NBEAL2: variants seen among roughly 807,000 people sequenced by gnomAD.
NBEAL2 encodes the protein neurobeachin like 2.
Under a neutral mutation model 299.8 loss-of-function variants are expected in NBEAL2, and 160 were observed. That is an observed-to-expected ratio of 0.53 (90% CI 0.47 to 0.61). NBEAL2 has a LOEUF of 0.61. NBEAL2 is among the 20% of genes least tolerant of loss of function. The pLI is 0.00. For synonymous variants in NBEAL2, 1,493 were observed against 1,542.3 expected (o/e 0.97, Z 0.75); for missense variants, 3,112 against 3,649.0 (o/e 0.85, Z 3.79).
intron 6 of NBEAL2, among the ~76,000 whole-genome samples, chr3:46,990,084 C>T (rs917831978): frequency 6.6e-6 from 1 of 152,124 alleles, no homozygotes; most frequent in Non-Finnish European, 1.5e-5. Context: ...TCCCCTCTCT[C>T]CTCTCATTGG....
Position 46,995,401 on chromosome 3 carries a change from C to T in NBEAL2, c.1666C>T (p.Arg556Ter). 5.0e-6 allele frequency: 8 copies of T among 1,612,704 alleles called. No homozygotes were observed. The highest frequency in any genetic ancestry group is 6.8e-6 in the Non-Finnish European group (8 of 1,179,852). ...AGGCGGAGCTGAGGCTGGAAAGGCC[C>T]GACACGCAGGTGCTGTCATCCGCAC... Reference protein sequence around the residue: ...EPGGAEAGKARHAGAVIRTLS... With the variant: ...EPGGAEAGKA The change falls in exon 13 of 54, where the codon CGA (arginine) becomes TGA (stop). Residue 556 changes from arginine to a stop codon, truncating the protein, a stop_gained. Coordinates refer to ENST00000450053, the MANE Select transcript of NBEAL2 (RefSeq NM_015175.3). LOFTEE classifies it high-confidence loss of function.
intron 1 of NBEAL2, among the ~76,000 whole-genome samples, chr3:46,983,837 C>T (rs66539935): frequency 0.45 from 68,543 of 151,584 alleles, 15,780 homozygotes; most frequent in Middle Eastern, 0.55. Context: ...GTGGGGTCCC[C>T]GTAGAAACAG....
Position 47,000,206 on chromosome 3 carries a change from C to G in NBEAL2, c.4107C>G (p.Asn1369Lys), listed in dbSNP as rs749673140. The change falls in exon 27 of 54, where the codon AAC (asparagine) becomes AAG (lysine). Residue 1369 changes from asparagine to lysine, a missense_variant. Transcript: ENST00000450053. This position sits in a 1 kb window ranked among gnomAD's most constrained non-coding sequence, Gnocchi z 4.5. ...AACGGTCTAGTGTAGGATCAGGCAACACTGCTGGTGGTGGCGGCAGCAGTG... is the reference window on the plus strand; with the variant it reads ...AACGGTCTAGTGTAGGATCAGGCAAGACTGCTGGTGGTGGCGGCAGCAGTG... ...GLERSSVGSG[N>K]TAGGGGSSGT... is the part of the protein sequence containing the mutation. 1 of 1,613,790 alleles carries G rather than the reference C, an allele frequency of 6.2e-7. No homozygotes were observed. Among genetic ancestry groups the G allele is most frequent in the African/African-American group, 1.3e-5 (1 of 75,048 alleles).
Position 47,007,714 on chromosome 3 carries a change from A to T in NBEAL2, c.7507+17A>T. 6.2e-7 allele frequency: 1 copy of T among 1,609,488 alleles called. No individual in the cohort carries two copies. The highest frequency in any genetic ancestry group is 8.5e-7 in the Non-Finnish European group (1 of 1,177,474). ...GCCACCTTGGTATGAACAGCCTTGG[A>T]GCTGGGGAGAATGAGGCACACAGGT... On this transcript the variant is annotated intron_variant, in intron 48 of 53. Coordinates refer to ENST00000450053, the MANE Select transcript of NBEAL2 (RefSeq NM_015175.3).
At chr3:46,981,211 G>A (rs1452731312) in intron 1 of NBEAL2, among the ~76,000 whole-genome samples, 4 of 152,160 alleles carry the variant, frequency 2.6e-5, no homozygotes, top group Non-Finnish European at 2.9e-5. Flanking sequence ...TTGGGAGGCC[G>A]AGGCGGGCAG....
Position 47,001,911 on chromosome 3 carries a change from C to T in NBEAL2, c.4783-9C>T, listed in dbSNP as rs1362323131. 1.9e-6 allele frequency: 3 copies of T among 1,604,520 alleles called. No homozygotes were observed. The highest frequency in any genetic ancestry group is 1.3e-5 in the African/African-American group (1 of 74,796). ...GGCTGGGTGCCACTCATCTCTCTTG[C>T]GCCCACAGCTGCATGCCCAGGCCTA... On this transcript the variant is annotated splice_polypyrimidine_tract_variant and intron_variant, in intron 30 of 53. Transcript: ENST00000450053. The surrounding 1 kb of genome is among the most constrained non-coding windows in gnomAD (Gnocchi z 6.1).
chr3:46,999,143 G>A lies in NBEAL2; in HGVS notation c.3543+26G>A, dbSNP rs562853996. On this transcript the variant is annotated intron_variant, in intron 24 of 53. Coordinates refer to ENST00000450053, the MANE Select transcript of NBEAL2 (RefSeq NM_015175.3). ...GTACACCCAGCCCACCCCCTCCCCT[G>A]GCATCCCATTCACTGGGGCCCCTGC... The A allele has an allele frequency of 1.9e-6, 3 of 1,553,380 alleles. No homozygotes were observed. The South Asian group carries it at 3.5e-5, about 18-fold the overall frequency.
At position 47,002,088 on chromosome 3, in the gene NBEAL2, G is replaced by A. The variant is rs1315341573; in HGVS notation, c.4951G>A (p.Ala1651Thr). Residue 1651 changes from alanine (A) to threonine (T), a missense_variant, in exon 31 of 54, where the codon GCT becomes ACT. This residue lies in a region of NBEAL2 where 2,243 missense variants were observed against 2,538.1 expected (regional missense o/e 0.88). Transcript: ENST00000450053. ...ATDEAGSPLA[A>T]AAAAAAAERC... ...TGATGAGGCAGGGTCCCCACTTGCAGCTGCAGCAGCTGCAGCAGCTGCAGA... is the reference window on the plus strand; with the variant it reads ...TGATGAGGCAGGGTCCCCACTTGCAACTGCAGCAGCTGCAGCAGCTGCAGA... 19 of 1,547,156 alleles carry A rather than the reference G, an allele frequency of 1.2e-5. No individual in the cohort carries two copies. In the East Asian group the frequency reaches 4.6e-4, roughly 38 times the overall value.
At chr3:46,994,673 A>G (rs1008635319) in intron 12 of NBEAL2, 120 bp downstream of exon 12, 5 of 855,500 alleles carry the variant, frequency 5.8e-6, no homozygotes, top group Non-Finnish European at 9.0e-6. Flanking sequence ...ACATACTGTT[A>G]CCTGTAGCCT....
Position 47,003,883 on chromosome 3 carries a change from A to G in NBEAL2, c.5788A>G (p.Thr1930Ala). The part of the protein sequence containing the change: ...LVLSAECQLV[T>A]VVAVVPGLLE... ...GCTGTCGGCCGAGTGCCAGCTGGTG[A>G]CGGTAGTGGCCGTGGTCCCAGGGCT... is the stretch of plus-strand genomic sequence containing the variant. The change falls in exon 36 of 54, where the codon ACG becomes GCG. Residue 1930 changes from threonine (T) to alanine (A), a missense_variant. By Grantham distance (58) the Thr-to-Ala change is moderately conservative. Around this residue, in one of 3 missense-constraint regions of NBEAL2, gnomAD observed 521 missense variants for 729.6 expected, o/e 0.71. Coordinates refer to ENST00000450053, the MANE Select transcript of NBEAL2 (RefSeq NM_015175.3). This position sits in a 1 kb window ranked among gnomAD's most constrained non-coding sequence, Gnocchi z 7.0. The G allele has an allele frequency of 6.2e-7, 1 of 1,613,552 alleles. No individual in the cohort carries two copies. Among genetic ancestry groups the G allele is most frequent in the Non-Finnish European group, 8.5e-7 (1 of 1,179,698 alleles).
In NBEAL2 at chr3:46,991,223, C is replaced by A; in HGVS notation, c.561C>A (p.Ser187Arg). Residue 187 changes from serine (S) to arginine (R), a missense_variant, in exon 7 of 54, where the codon AGC (serine) becomes AGA (arginine). Around this residue, in one of 3 missense-constraint regions of NBEAL2, gnomAD observed 2,243 missense variants for 2,538.1 expected, o/e 0.88. Coordinates refer to ENST00000450053, the MANE Select transcript of NBEAL2 (RefSeq NM_015175.3). The surrounding 1 kb of genome is among the most constrained non-coding windows in gnomAD (Gnocchi z 6.2). ...PQEFSAFFQE[S>R]LQNADHLPPI... is the part of the protein sequence containing the mutation. ...TGCCCACACCCCCCTACCCAGAGAG[C>A]CTACAGAATGCAGACCACTTGCCTC... The A allele has an allele frequency of 1.9e-6, 3 of 1,605,742 alleles. No homozygotes were observed. The highest frequency in any genetic ancestry group is 1.3e-5 in the African/African-American group (1 of 74,816).
rs1212410536 is a variant in NBEAL2 at position 46,995,695 on chromosome 3, C to T, written c.1899-19C>T. On this transcript the variant is annotated intron_variant, in intron 13 of 53. Transcript: ENST00000450053. ...GGTGAGCAGGAACAAGCAGACATAACTGGCTTGCCTGCCCCCAGCTTCTTT... is the reference window on the plus strand; with the variant it reads ...GGTGAGCAGGAACAAGCAGACATAATTGGCTTGCCTGCCCCCAGCTTCTTT... The T allele has an allele frequency of 1.7e-5, 28 of 1,612,420 alleles. No homozygotes were observed. Among genetic ancestry groups the T allele is most frequent in the Non-Finnish European group, 2.4e-5 (28 of 1,179,042 alleles).
chr3:47,006,286 G>A (rs76564198), intron 44 of NBEAL2, 24 bp downstream of exon 44: 18,382 of 1,610,012 alleles, frequency 0.011, 147 homozygotes, highest in South Asian at 0.017. Flanking sequence ...AGAGGATAGT[G>A]GCCAGGGATG....
chr3:47,002,117 C>A lies in NBEAL2; in HGVS notation c.4980C>A (p.Arg1660=). ...CAGCAGCTGCAGCAGCTGCAGAGCG[C>A]TGCTCCTGGCTGGTGCCACTGGTGC... is the stretch of plus-strand genomic sequence containing the variant. The part of the protein sequence containing the change: ...AAAAAAAAAE[R]CSWLVPLVRT... The change falls in exon 31 of 54, where the codon CGC becomes CGA. Residue 1660 remains arginine (R), a synonymous_variant. Coordinates refer to ENST00000450053, the MANE Select transcript of NBEAL2 (RefSeq NM_015175.3). 6.4e-7 allele frequency: 1 copy of A among 1,550,538 alleles called. No individual in the cohort carries two copies. Among genetic ancestry groups the A allele is most frequent in the African/African-American group, 1.4e-5 (1 of 72,936 alleles).
chr3:46,999,133 C>G lies in NBEAL2; in HGVS notation c.3543+16C>G, dbSNP rs1231296994. On this transcript the variant is annotated intron_variant, in intron 24 of 53. Transcript: ENST00000450053. ...AGTCTGCAAGGTACACCCAGCCCAC[C>G]CCCTCCCCTGGCATCCCATTCACTG... is the stretch of plus-strand genomic sequence containing the variant. 1.3e-6 allele frequency: 2 copies of G among 1,557,978 alleles called. No individual in the cohort carries two copies. The highest frequency in any genetic ancestry group is 1.8e-5 in the Admixed American group (1 of 54,608).
intron 25 of NBEAL2, 31 bp from the exon 26 acceptor site, chr3:46,999,599 T>C (rs369716228): frequency 6.6e-7 from 1 of 1,509,184 alleles, no homozygotes; most frequent in African/African-American, 1.4e-5. Context: ...GTCTGGTCAG[T>C]CCCTCAGGTC....
Position 47,004,713 on chromosome 3 carries a change from A to G in NBEAL2, c.6294+123A>G, listed in dbSNP as rs552341131. On this transcript the variant is annotated intron_variant, in intron 38 of 53. Transcript: ENST00000450053. This position sits in a 1 kb window ranked among gnomAD's most constrained non-coding sequence, Gnocchi z 5.0. The stretch of plus-strand genomic sequence containing the variant: ...AGCTTGGTCAAGGGTAGATGTGCCA[A>G]TGAAGACCTGGCCTCTGTTCCCTGC... The G allele has an allele frequency of 3.0e-4, 337 of 1,115,318 alleles. No homozygotes were observed. Among genetic ancestry groups the G allele is most frequent in the African/African-American group, 1.3e-3 (82 of 65,038 alleles). The allele number at this position is 1,115,318 out of a possible 1,614,324, so 69.1% of individuals were successfully genotyped here.
chr3:47,004,967 G>C lies in NBEAL2; in HGVS notation c.6295-5G>C. The C allele has an allele frequency of 1.2e-6, 2 of 1,603,524 alleles. No individual in the cohort carries two copies. The highest frequency in any genetic ancestry group is 8.5e-7 in the Non-Finnish European group (1 of 1,175,464). On this transcript the variant is annotated splice_polypyrimidine_tract_variant and splice_region_variant and intron_variant, in intron 38 of 53. Transcript: ENST00000450053. This position sits in a 1 kb window ranked among gnomAD's most constrained non-coding sequence, Gnocchi z 5.0. ...CATGCAGCCCCTGCTCGGGTGGGTG[G>C]CCAGTTCCCCTGGGTCCTGCAGGAC... is the stretch of plus-strand genomic sequence containing the variant.
Position 47,005,297 on chromosome 3 carries a change from T to A in NBEAL2, c.6536T>A (p.Leu2179Gln), listed in dbSNP as rs2037341775. 2 of 1,612,598 alleles carry A rather than the reference T, an allele frequency of 1.2e-6. No homozygotes were observed. Among genetic ancestry groups the A allele is most frequent in the African/African-American group, 2.7e-5 (2 of 74,934 alleles). ...YLIRVEPFTS[L>Q]HVQLQSGRFD... is the part of the protein sequence containing the mutation. Reference sequence around the variant, plus strand: ...ATCCGCGTGGAGCCCTTCACCTCCCTGCACGTCCAGCTGCAAAGTGGCCGG... The same window carrying A: ...ATCCGCGTGGAGCCCTTCACCTCCCAGCACGTCCAGCTGCAAAGTGGCCGG... Residue 2179 changes from leucine to glutamine, a missense_variant, in exon 40 of 54, where the codon CTG (leucine) becomes CAG (glutamine). Coordinates refer to ENST00000450053, the MANE Select transcript of NBEAL2 (RefSeq NM_015175.3).
Sources: allele counts gnomAD v4.1 joint callset (sites outside exome capture counted in the v4.1 genomes callset), GRCh38; gene constraint gnomAD v4.1.1; regional missense constraint gnomAD v4.1.1; non-coding constraint Gnocchi (gnomAD v3.1); transcripts MANE v1.5; gene names NCBI Gene and HGNC (gene_info 2026-07-23, HGNC 2026-07-21).